Variants in ARID1B observed in about 807,000 individuals in gnomAD.
ARID1B encodes AT-rich interaction domain 1B, also known as AT-rich interactive domain-containing protein 1B.
ARID1B carries 30 observed loss-of-function variants against 212.3 expected under a neutral mutation model. That is an observed-to-expected ratio of 0.14 (90% CI 0.11 to 0.19). The LOEUF is 0.19. Among genes scored for constraint, ARID1B ranks in the 10% least tolerant of loss-of-function variants. The probability of loss-of-function intolerance (pLI) is 1.00; values close to 1 mark genes in which losing one functional copy is unlikely to be tolerated. For missense variants in ARID1B, 2,891 were observed against 3,204.0 expected, an observed-to-expected ratio of 0.90 and a Z score of 2.36; for synonymous variants, 1,402 against 1,301.7, an observed-to-expected ratio of 1.08 and a Z score of -1.66.
chr6:157,127,556 G>A (rs1483445465), intron 6 of ARID1B, among the ~76,000 whole-genome samples: 1 of 151,810 alleles, frequency 6.6e-6, no homozygotes, highest in East Asian at 1.9e-4. Context: ...CGGATCACAA[G>A]GTCAGGAGAT....
chr6:157,105,423 G>A (rs1020718034), intron 5 of ARID1B, among the ~76,000 whole-genome samples: 1 of 151,332 alleles, frequency 6.6e-6, no homozygotes, highest in African/African-American at 2.5e-5. Context: ...CACAGACAAA[G>A]GGCTAATATC....
chr6:156,832,183 A>G (rs571778923), intron 2 of ARID1B, among the ~76,000 whole-genome samples: 2 of 152,356 alleles, frequency 1.3e-5, no homozygotes, highest in African/African-American at 4.8e-5. Context: ...TAGAGCATAT[A>G]CATTCATTTT....
intron 4 of ARID1B, among the ~76,000 whole-genome samples, chr6:157,076,278 G>A (rs1784298984): frequency 6.6e-6 from 1 of 151,572 alleles, no homozygotes; most frequent in South Asian, 2.1e-4. Flanking sequence ...TTTGTGAGTT[G>A]TGTGTTTTTC....
intron 3 of ARID1B, among the ~76,000 whole-genome samples, chr6:156,904,181 AT>A (rs1789174767): frequency 6.6e-6 from 1 of 152,070 alleles, no homozygotes; most frequent in African/African-American, 2.4e-5. Context: ...CCATACTTTT[AT>A]TTTTACCCTA....
At chr6:157,170,982 C>G (rs1428299149) in intron 9 of ARID1B, among the ~76,000 whole-genome samples, 1 of 152,166 alleles carries the variant, frequency 6.6e-6, no homozygotes, top group Non-Finnish European at 1.5e-5. Flanking sequence ...TGGTATATTA[C>G]CATGAAATGA....
chr6:157,167,804 T>C (rs553584300), intron 9 of ARID1B: 1 of 152,588 alleles, frequency 6.6e-6, no homozygotes, highest in African/African-American at 2.4e-5. Context: ...GTGGAAAATA[T>C]CAAGAGTGTC....
chr6:157,114,273 C>T (rs1787156715), intron 6 of ARID1B, among the ~76,000 whole-genome samples: 1 of 151,990 alleles, frequency 6.6e-6, no homozygotes, highest in Non-Finnish European at 1.5e-5. Flanking sequence ...CCTGTAATCC[C>T]AGTATTTGGG....
chr6:156,897,291 T>TTATTATTATTA (rs1174315019), intron 2 of ARID1B, among the ~76,000 whole-genome samples: 1 of 43,166 alleles, frequency 2.3e-5, no homozygotes. Flanking sequence ...TATTATTATT[T>TTATTATTATTA]GAGACAGAGT....
intron 4 of ARID1B, among the ~76,000 whole-genome samples, chr6:156,983,450 G>GC (rs1375494819): frequency 6.6e-6 from 1 of 152,078 alleles, no homozygotes; most frequent in African/African-American, 2.4e-5. Context: ...TGTGAGCTGG[G>GC]CATGTGGACA....
At chr6:157,145,053 TCCTGTTCC>T (rs916151592) in intron 7 of ARID1B, among the ~76,000 whole-genome samples, 1 of 152,134 alleles carries the variant, frequency 6.6e-6, no homozygotes, top group African/African-American at 2.4e-5. Flanking sequence ...TGTTCCTGTT[TCCTGTTCC>T]CCTGTGTCTT....
chr6:157,167,030 C>G lies in ARID1B; in HGVS notation c.3090-10C>G, dbSNP rs1222311771. ...TCGGTATATGTGTGCTGTGCTTTCT[C>G]TTCCTGTAGGCAAGGCAGTTTCCCC... is the stretch of plus-strand genomic sequence containing the variant. On this transcript the variant is annotated splice_polypyrimidine_tract_variant and intron_variant, in intron 8 of 19. Coordinates refer to ENST00000636930, the MANE Select transcript of ARID1B (RefSeq NM_001374828.1). 2 of 1,609,512 alleles carry G rather than the reference C, an allele frequency of 1.2e-6. No homozygotes were observed. The highest frequency in any genetic ancestry group is 1.7e-6 in the Non-Finnish European group (2 of 1,179,914).
In ARID1B at chr6:156,827,808, C is replaced by G. The variant is rs1040329769; in HGVS notation, c.1792-1419C>G. On this transcript the variant is annotated intron_variant, in intron 1 of 19. Transcript: ENST00000636930. ...TGAGATGGAGTCTAGCTCTGTCTCT[C>G]AGGCTGGAGTGGCACAATCTTGGCT... Among the ~76,000 whole-genome samples, 8 of 119,634 alleles carry G rather than the reference C, an allele frequency of 6.7e-5. No homozygotes were observed. In the South Asian group the frequency reaches 1.2e-3, roughly 18 times the overall value. 78.5% of individuals were successfully genotyped at this position (119,634 alleles called of 152,430 possible).
At chr6:156,794,570 C>CTTTTTT (rs34848808) in intron 1 of ARID1B, among the ~76,000 whole-genome samples, 1 of 67,976 alleles carries the variant, frequency 1.5e-5, no homozygotes, top group African/African-American at 7.1e-5. Context: ...CTGGCACATT[C>CTTTTTT]TTTTTTTTTT....
At chr6:157,070,162 AT>A (rs1478605131) in intron 4 of ARID1B, among the ~76,000 whole-genome samples, 1 of 151,362 alleles carries the variant, frequency 6.6e-6, no homozygotes. Flanking sequence ...TGTTTCTCTT[AT>A]TTTTTAAAGA....
intron 5 of ARID1B, among the ~76,000 whole-genome samples, chr6:157,103,918 G>A (rs979936672): frequency 7.0e-6 from 1 of 143,782 alleles, no homozygotes; most frequent in Non-Finnish European, 1.5e-5. Flanking sequence ...TCACTGCAAC[G>A]TCCACTTCCC....
intron 4 of ARID1B, among the ~76,000 whole-genome samples, chr6:157,054,735 C>G (rs1485957473): frequency 1.3e-5 from 2 of 152,166 alleles, no homozygotes; most frequent in African/African-American, 4.8e-5. Flanking sequence ...GTCACTGTTA[C>G]AGGGGTGATT....
chr6:156,931,207 A>T, intron 3 of ARID1B, among the ~76,000 whole-genome samples: 1 of 152,016 alleles, frequency 6.6e-6, no homozygotes, highest in East Asian at 1.9e-4. Flanking sequence ...AAAAAAAAAA[A>T]AAAAAAATTC....
rs1562376341 is a variant in ARID1B, at chr6:156,778,444, AC to A, written c.770del (p.Pro257ArgfsTer6). 4 of 1,421,994 alleles carry A rather than the reference AC, an allele frequency of 2.8e-6. No homozygotes were observed. The highest frequency in any genetic ancestry group is 2.8e-5 in the East Asian group (1 of 35,464). 88.1% of individuals were successfully genotyped at this position (1,421,994 alleles called of 1,614,324 possible). On this transcript the variant is annotated frameshift_variant, in exon 1 of 20. Coordinates refer to ENST00000636930, the MANE Select transcript of ARID1B (RefSeq NM_001374828.1). LOFTEE classifies it high-confidence loss of function. Reference protein sequence around the residue: ...AKDSAAGGQADPPGPPLLSKP... With the variant: ...AKDSAAGGQAXPPGPPLLSKP... ...GACAGTGCTGCGGGCGGCCAGGCCG[AC>A]CCCCCGGGCCCGCCGCTGCTGAGCA...
intron 9 of ARID1B, chr6:157,168,076 C>T (rs144650210): frequency 0.028 from 4,322 of 152,322 alleles, 80 homozygotes; most frequent in Non-Finnish European, 0.043. Context: ...ACAGCCAGAT[C>T]CTTGGTTCTT....
Sources: allele counts gnomAD v4.1 joint callset (sites outside exome capture counted in the v4.1 genomes callset), GRCh38; gene constraint gnomAD v4.1.1; transcripts MANE v1.5; gene names NCBI Gene and HGNC (gene_info 2026-07-23, HGNC 2026-07-21).